Variants in RMND5A observed in about 807,000 individuals in gnomAD.
RMND5A encodes the protein E3 ubiquitin-protein transferase RMND5A.
In RMND5A, 17 loss-of-function variants were observed where a neutral mutation model predicts 49.7. That is an observed-to-expected ratio of 0.34 (90% CI 0.23 to 0.51). The LOEUF is 0.51. Among genes scored for constraint, RMND5A ranks in the 20% least tolerant of loss-of-function variants. The probability of loss-of-function intolerance (pLI) is 0.96; values close to 1 mark genes in which losing one functional copy is unlikely to be tolerated. For missense variants in RMND5A, 255 were observed against 471.3 expected (o/e 0.54, Z 4.25); for synonymous variants, 156 against 167.7 (o/e 0.93, Z 0.54).
At chr2:86,720,840 T>G (rs568657110) in intron 1 of RMND5A, 31 bp downstream of exon 1, 179 of 1,550,614 alleles carry the variant, frequency 1.2e-4, no homozygotes, top group Middle Eastern at 2.2e-4. Flanking sequence ...GCGCGGGGCA[T>G]GGCCCACTGC....
At chr2:86,744,012 A>G (rs527997533) in intron 2 of RMND5A, among the ~76,000 whole-genome samples, 18 of 151,870 alleles carry the variant, frequency 1.2e-4, no homozygotes, top group African/African-American at 4.3e-4. Context: ...TACATACTAT[A>G]TTATTTAGCT....
chr2:86,762,377 G>A (rs1421038300), intron 4 of RMND5A, among the ~76,000 whole-genome samples: 1 of 152,176 alleles, frequency 6.6e-6, no homozygotes, highest in African/African-American at 2.4e-5. Flanking sequence ...GGGCATGGTG[G>A]CTCACGCCTG....
rs889742626 is a variant in RMND5A, at chr2:86,776,980, A to G, written c.*3569A>G. ...TGGTACACTGATGTTTACCATAAGC[A>G]GGTACAAGCTTCATGAACCGTTCTT... On this transcript the variant is annotated 3_prime_UTR_variant, in exon 9 of 9. Coordinates refer to ENST00000283632, the MANE Select transcript of RMND5A (RefSeq NM_022780.4). 6 of 152,228 alleles carry G rather than the reference A, an allele frequency of 3.9e-5. No homozygotes were observed. Among genetic ancestry groups the G allele is most frequent in the Non-Finnish European group, 8.8e-5 (6 of 68,046 alleles). 9.4% of individuals were successfully genotyped at this position (152,228 alleles called of 1,614,324 possible). A position where few individuals can be genotyped will look rare whatever the true frequency, so the allele number is the denominator to read the frequency against.
Position 86,777,412 on chromosome 2 carries a change from A to C in RMND5A, c.*4001A>C, listed in dbSNP as rs1174469851. The C allele has an allele frequency of 6.6e-6, 1 of 152,156 alleles. No individual in the cohort carries two copies. Among genetic ancestry groups the C allele is most frequent in the Admixed American group, 6.5e-5 (1 of 15,280 alleles). 9.4% of individuals were successfully genotyped at this position (152,156 alleles called of 1,614,324 possible). On this transcript the variant is annotated 3_prime_UTR_variant, in exon 9 of 9. Coordinates refer to ENST00000283632, the MANE Select transcript of RMND5A (RefSeq NM_022780.4). ...GGAAGCAGAAGAAAATGGGAGTGTG[A>C]GTGAGTGTGCATGTGTCTGAAGTTC...
rs1204341861 is a variant in RMND5A, at chr2:86,774,659, A to G, written c.*1248A>G. 1 of 152,700 alleles carries G rather than the reference A, an allele frequency of 6.5e-6. No homozygotes were observed. Among genetic ancestry groups the G allele is most frequent in the Admixed American group, 6.5e-5 (1 of 15,290 alleles). 9.5% of individuals were successfully genotyped at this position (152,700 alleles called of 1,614,324 possible). A position where few individuals can be genotyped will look rare whatever the true frequency, so the allele number is the denominator to read the frequency against. On this transcript the variant is annotated 3_prime_UTR_variant, in exon 9 of 9. Coordinates refer to ENST00000283632, the MANE Select transcript of RMND5A (RefSeq NM_022780.4). ...GTGGACATAATTCTGACCGAAACCC[A>G]TGAAGTTACTTCAGTATAAGAAGAA...
intron 4 of RMND5A, among the ~76,000 whole-genome samples, chr2:86,763,123 G>GT (rs1241933025): frequency 3.3e-5 from 5 of 152,074 alleles, no homozygotes; most frequent in Non-Finnish European, 7.4e-5. Flanking sequence ...ATGAAAATGA[G>GT]TTTTTTTGTG....
At chr2:86,735,106 A>C (rs561462493) in intron 1 of RMND5A, among the ~76,000 whole-genome samples, 181 of 152,278 alleles carry the variant, frequency 1.2e-3, no homozygotes, top group Middle Eastern at 6.8e-3. Context: ...ATGACTGGAT[A>C]ATCCATTGTT....
At chr2:86,745,253 TA>T (rs1050838841) in intron 2 of RMND5A, among the ~76,000 whole-genome samples, 7 of 152,324 alleles carry the variant, frequency 4.6e-5, no homozygotes, top group African/African-American at 1.7e-4. Context: ...TGATGTGGTA[TA>T]ATTAAAAGCT....
chr2:86,732,493 G>A (rs1345423151), intron 1 of RMND5A, among the ~76,000 whole-genome samples: 2 of 141,748 alleles, frequency 1.4e-5, no homozygotes, highest in Non-Finnish European at 3.0e-5. Context: ...TTTTTTTGAG[G>A]CTTGTGATCA....
rs1307295595 is a variant in RMND5A, at chr2:86,777,592, T to G, written c.*4181T>G. The G allele has an allele frequency of 6.6e-6, 1 of 152,216 alleles. No homozygotes were observed. The highest frequency in any genetic ancestry group is 2.4e-5 in the African/African-American group (1 of 41,450). 9.4% of individuals were successfully genotyped at this position (152,216 alleles called of 1,614,324 possible). On this transcript the variant is annotated 3_prime_UTR_variant, in exon 9 of 9. Transcript: ENST00000283632. Reference sequence around the variant, plus strand: ...TTGTTCAGATGGCTCAGGATTGTATTTATTTTGCTTACCCCGTGCTCTTGG... The same window carrying G: ...TTGTTCAGATGGCTCAGGATTGTATGTATTTTGCTTACCCCGTGCTCTTGG...
In RMND5A at chr2:86,772,695, A is replaced by G. The variant is rs544800751; in HGVS notation, c.1113-653A>G. 4.6e-5 allele frequency among the ~76,000 whole-genome samples: 7 copies of G among 152,022 alleles called. No homozygotes were observed. The East Asian group carries it at 1.4e-3, about 30-fold the overall frequency. On this transcript the variant is annotated intron_variant, in intron 8 of 8. Transcript: ENST00000283632. ...CTGCAACCTCTGCCTCCTGGGTTCAAGCAATTTTCATGCCTCAGCTTCCTG... is the reference window on the plus strand; with the variant it reads ...CTGCAACCTCTGCCTCCTGGGTTCAGGCAATTTTCATGCCTCAGCTTCCTG...
intron 1 of RMND5A, among the ~76,000 whole-genome samples, chr2:86,733,379 ACT>A (rs1384984059): frequency 8.6e-6 from 1 of 116,320 alleles, no homozygotes; most frequent in African/African-American, 4.8e-5. Flanking sequence ...AAAGTGTGAA[ACT>A]CTGATAGGGA....
intron 2 of RMND5A, among the ~76,000 whole-genome samples, chr2:86,746,165 T>C (rs1189094356): frequency 6.6e-6 from 1 of 152,178 alleles, no homozygotes; most frequent in African/African-American, 2.4e-5. Flanking sequence ...ACAAGGTCTG[T>C]GTGTTGGGTA....
At chr2:86,765,339 C>G (rs569443495) in intron 5 of RMND5A, 146 bp downstream of exon 5, 2 of 728,036 alleles carry the variant, frequency 2.7e-6, no homozygotes. Context: ...CTGACTGGCT[C>G]TAGACAAAAA....
At chr2:86,750,210 CTCT>C (rs1681609737) in intron 2 of RMND5A, among the ~76,000 whole-genome samples, 1 of 152,184 alleles carries the variant, frequency 6.6e-6, no homozygotes, top group Admixed American at 6.5e-5. Flanking sequence ...TGTACGTTTG[CTCT>C]TCTTTCACTC....
chr2:86,762,927 C>G (rs1253067198), intron 4 of RMND5A, among the ~76,000 whole-genome samples: 1 of 151,686 alleles, frequency 6.6e-6, no homozygotes, highest in Admixed American at 6.6e-5. Context: ...ATGGTGCCAG[C>G]TACTTGGGAA....
intron 6 of RMND5A, among the ~76,000 whole-genome samples, chr2:86,768,709 A>G (rs953892749): frequency 2.6e-5 from 4 of 152,172 alleles, no homozygotes; most frequent in African/African-American, 9.7e-5. Context: ...ACTCTCTTCA[A>G]CTGAGGACAG....
chr2:86,743,220 A>G (rs866512052), intron 2 of RMND5A, among the ~76,000 whole-genome samples: 37 of 152,294 alleles, frequency 2.4e-4, no homozygotes, highest in Admixed American at 3.9e-4. Context: ...GGTGCCAAAC[A>G]TGGAAGTATC....
At chr2:86,753,437 T>G (rs1388909499) in intron 3 of RMND5A, 21 bp from the exon 4 acceptor site, 17 of 1,406,966 alleles carry the variant, frequency 1.2e-5, no homozygotes, top group South Asian at 2.4e-5. Flanking sequence ...ACAAAAGTTC[T>G]TTCTTTCTTT....
Sources: gnomAD v4.1 joint callset for allele counts (sites outside exome capture counted in the v4.1 genomes callset) on GRCh38, gnomAD v4.1.1 for gene constraint, MANE v1.5 for transcripts, NCBI Gene and HGNC (gene_info 2026-07-23, HGNC 2026-07-21) for gene names.